The following BUB1 variants were observed in gnomAD, a reference collection of about 807,000 sequenced individuals.
BUB1 encodes the protein BUB1 mitotic checkpoint serine/threonine kinase, also known as mitotic checkpoint serine/threonine-protein kinase BUB1.
Under a neutral mutation model 135.2 loss-of-function variants are expected in BUB1, and 84 were observed. The observed-to-expected ratio is 0.62, with a 90% confidence interval of 0.52 to 0.74. The LOEUF (loss-of-function observed/expected upper bound fraction) is 0.74. BUB1 is among the 30% of genes least tolerant of loss of function. BUB1 has a pLI of 0.00. For missense variants in BUB1, 1,162 were observed against 1,288.3 expected, an observed-to-expected ratio of 0.90 and a Z score of 1.50; for synonymous variants, 403 against 434.4, an observed-to-expected ratio of 0.93 and a Z score of 0.90.
intron 23 of BUB1, 143 bp downstream of exon 23, chr2:110,640,891 G>A: frequency 1.4e-6 from 1 of 698,478 alleles, no homozygotes; most frequent in Middle Eastern, 2.6e-4. Context: ...TTCTATCCCT[G>A]CCATGTTGGC....
At chr2:110,673,005 G>T in intron 3 of BUB1, 148 bp from the exon 4 acceptor site, 1 of 739,312 alleles carries the variant, frequency 1.4e-6, no homozygotes, top group Non-Finnish European at 2.0e-6. Flanking sequence ...TAGAGGGTTG[G>T]ACTTTTCAGC....
intron 24 of BUB1, 91 bp downstream of exon 24, chr2:110,639,651 G>A (rs1311315968): frequency 3.8e-6 from 4 of 1,047,050 alleles, no homozygotes; most frequent in Middle Eastern, 2.1e-4. Context: ...CCATGCGGTG[G>A]CAGAGATCCT....
At chr2:110,662,080 T>C (rs1690116039) in intron 9 of BUB1, 2 of 473,934 alleles carry the variant, frequency 4.2e-6, no homozygotes, top group South Asian at 3.4e-5. Flanking sequence ...AGCTTATAAT[T>C]TCTAACCACT....
In BUB1 at chr2:110,649,305, C is replaced by T. The variant is rs182377124; in HGVS notation, c.2276G>A (p.Ser759Asn). The T allele has an allele frequency of 1.2e-4, 195 of 1,610,356 alleles. No homozygotes were observed. The highest frequency in any genetic ancestry group is 1.5e-4 in the Non-Finnish European group (182 of 1,178,562). ...KLLSGLSKPV[S>N]SYPNTFEWQC... The stretch of plus-strand genomic sequence containing the variant: ...CCATTCAAAAGTATTTGGATAGGAA[C>T]TCACTGGTTTAGAAAGCCCAGATAA... The change falls in exon 19 of 25, where the codon AGT (serine) becomes AAT (asparagine). Residue 759 changes from serine to asparagine, a missense_variant. Ser to Asn is a conservative substitution (Grantham distance 46). Transcript: ENST00000302759.
At chr2:110,651,389 GA>G (rs1264664599) in intron 17 of BUB1, among the ~76,000 whole-genome samples, 19 of 149,316 alleles carry the variant, frequency 1.3e-4, no homozygotes, top group African/African-American at 7.4e-5. Context: ...TTTAAAAAGT[GA>G]AAAAAAAAAT....
intron 2 of BUB1, 39 bp downstream of exon 2, chr2:110,674,265 GTA>G: frequency 6.2e-7 from 1 of 1,612,874 alleles, no homozygotes; most frequent in African/African-American, 1.3e-5. Flanking sequence ...ATGGGGCAGT[GTA>G]TAGTTTGTTT....
At chr2:110,673,801 G>T (rs889217834) in intron 3 of BUB1, among the ~76,000 whole-genome samples, 1 of 152,098 alleles carries the variant, frequency 6.6e-6, no homozygotes, top group African/African-American at 2.4e-5. Context: ...ATTTTACCAC[G>T]TTGGCCAGGC....
rs147796865 is a variant in BUB1 at position 110,675,042 on chromosome 2, T to C, written c.27-677A>G. ...GTAGAGTTCCCAGACACAGTTTGTT[T>C]TCATTGCTTCAAAGTAACAAAGTCC... On this transcript the variant is annotated intron_variant, in intron 1 of 24. Transcript: ENST00000302759. 2.8e-4 allele frequency: 43 copies of C among 152,738 alleles called. No homozygotes were observed. In the East Asian group the frequency reaches 7.5e-3, roughly 27 times the overall value. The allele number at this position is 152,738 out of a possible 1,614,324, so 9.5% of individuals were successfully genotyped here.
Position 110,637,960 on chromosome 2 carries a change from A to C in BUB1, c.*4T>G, listed in dbSNP as rs757215922. Reference sequence around the variant, plus strand: ...GATTTTTAAGGACTGTCTATATCCAAATTTTATTTTCGTGAACGCTTACAT... The same window carrying C: ...GATTTTTAAGGACTGTCTATATCCACATTTTATTTTCGTGAACGCTTACAT... On this transcript the variant is annotated 3_prime_UTR_variant, in exon 25 of 25. Coordinates refer to ENST00000302759, the MANE Select transcript of BUB1 (RefSeq NM_004336.5). The C allele has an allele frequency of 4.1e-6, 6 of 1,468,666 alleles. No homozygotes were observed. In the Admixed American group the frequency reaches 1.4e-4, roughly 35 times the overall value. 91.0% of individuals were successfully genotyped at this position (1,468,666 alleles called of 1,614,324 possible). A position where few individuals can be genotyped will look rare whatever the true frequency, so the allele number is the denominator to read the frequency against.
rs376515202 is a variant in BUB1, at chr2:110,668,803, AT to A, written c.567+649del. ...TTGGTTGGTGGCAGAAAACTGATAG[AT>A]GTCACTTGATGGCATCTGCTATCTG... On this transcript the variant is annotated intron_variant, in intron 6 of 24. Coordinates refer to ENST00000302759, the MANE Select transcript of BUB1 (RefSeq NM_004336.5). Among the ~76,000 whole-genome samples, 529 of 152,324 alleles carry A rather than the reference AT, an allele frequency of 3.5e-3. 3 individuals are homozygous for A. The highest frequency in any genetic ancestry group is 0.012 in the African/African-American group (512 of 41,564).
chr2:110,666,236 G>C, intron 9 of BUB1, 27 bp downstream of exon 9: 1 of 1,326,300 alleles, frequency 7.5e-7, no homozygotes, highest in Non-Finnish European at 9.7e-7. Context: ...GCTGGGCACA[G>C]GATGTGTCAT....
Position 110,655,898 on chromosome 2 carries a change from C to G in BUB1, c.1717G>C (p.Glu573Gln), listed in dbSNP as rs773770253. The change falls in exon 16 of 25, where the codon GAA becomes CAA. Residue 573 changes from glutamate (E) to glutamine (Q), a missense_variant. By Grantham distance (29) the Glu-to-Gln change is conservative (BLOSUM62 2). Transcript: ENST00000302759. ...ACAGTTGAGTCATCCAAAAACTCTT[C>G]AGCATGAGGCACTTCCTCCTATAAC... ...SKPKEEVPHA[E>Q]EFLDDSTVWG... The G allele has an allele frequency of 1.5e-5, 24 of 1,613,096 alleles. No individual in the cohort carries two copies. In the Admixed American group the frequency reaches 4.0e-4, roughly 27 times the overall value.
intron 10 of BUB1, 118 bp from the exon 11 acceptor site, chr2:110,660,154 C>G: frequency 1.4e-6 from 1 of 734,190 alleles, no homozygotes; most frequent in Non-Finnish European, 2.3e-6. Flanking sequence ...GGAGGATCAC[C>G]TGAGGTCAGA....
intron 19 of BUB1, among the ~76,000 whole-genome samples, chr2:110,644,284 A>G (rs979865468): frequency 2.0e-5 from 3 of 151,588 alleles, no homozygotes; most frequent in East Asian, 3.9e-4. Context: ...CAGGAGTTCA[A>G]GGCCAACATG....
chr2:110,644,257 G>C (rs1689584858), intron 19 of BUB1, among the ~76,000 whole-genome samples: 1 of 151,714 alleles, frequency 6.6e-6, no homozygotes, highest in Non-Finnish European at 1.5e-5. Flanking sequence ...GGCCATGATG[G>C]GCGGATCACT....
At chr2:110,668,317 G>A (rs1339074485) in intron 6 of BUB1, among the ~76,000 whole-genome samples, 1 of 152,092 alleles carries the variant, frequency 6.6e-6, no homozygotes, top group East Asian at 1.9e-4. Context: ...CTCTGAGCTA[G>A]GTCTGGGAAA....
chr2:110,657,748 A>G (rs748345883), intron 13 of BUB1, 103 bp from the exon 14 acceptor site: 1 of 777,780 alleles, frequency 1.3e-6, no homozygotes, highest in Non-Finnish European at 2.0e-6. Flanking sequence ...CAGCTGACAG[A>G]AAAGAACTAA....
intron 1 of BUB1, 101 bp downstream of exon 1, chr2:110,677,869 G>C: frequency 7.2e-7 from 1 of 1,382,728 alleles, no homozygotes; most frequent in South Asian, 1.3e-5. Context: ...CCCAGGAAGG[G>C]GGCGAAGGGG....
Position 110,657,210 on chromosome 2 carries a change from A to G in BUB1, c.1617-93T>C, listed in dbSNP as rs948399143. 3.9e-6 allele frequency: 4 copies of G among 1,020,096 alleles called. No homozygotes were observed. The African/African-American group carries it at 6.6e-5, about 17-fold the overall frequency. The allele number at this position is 1,020,096 out of a possible 1,614,324, so 63.2% of individuals were successfully genotyped here. ...ATTAGAAAAGTTCTCTACTTATCCT[A>G]TTTAATGAGTTAATCTTTATATAGA... On this transcript the variant is annotated intron_variant, in intron 14 of 24. Coordinates refer to ENST00000302759, the MANE Select transcript of BUB1 (RefSeq NM_004336.5).
Sources: gnomAD v4.1 joint callset for allele counts (sites outside exome capture counted in the v4.1 genomes callset) on GRCh38, gnomAD v4.1.1 for gene constraint, MANE v1.5 for transcripts, NCBI Gene and HGNC (gene_info 2026-07-23, HGNC 2026-07-21) for gene names.